Variants in RGS6 observed in about 807,000 individuals in gnomAD.
RGS6 encodes the protein regulator of G-protein signaling 6.
A neutral mutation model predicts 78.5 loss-of-function variants in RGS6; 30 were observed. That is an observed-to-expected ratio of 0.38 (90% CI 0.29 to 0.52). The LOEUF is 0.52. Among genes scored for constraint, RGS6 ranks in the 20% least tolerant of loss-of-function variants. The pLI, the probability that RGS6 is intolerant of heterozygous loss-of-function variation, is 0.85. For missense variants in RGS6, 495 were observed against 609.7 expected (o/e 0.81, Z 1.98); for synonymous variants, 206 against 206.0 (o/e 1.00, Z 0.00).
At chr14:72,066,265 A>G (rs2094140092) in intron 2 of RGS6, among the ~76,000 whole-genome samples, 1 of 152,094 alleles carries the variant, frequency 6.6e-6, no homozygotes, top group Admixed American at 6.6e-5. Flanking sequence ...TCCAGGTTTC[A>G]TGCTTTGGGA....
intron 2 of RGS6, among the ~76,000 whole-genome samples, chr14:71,978,577 A>G (rs1298400207): frequency 5.0e-5 from 5 of 100,114 alleles, no homozygotes; most frequent in African/African-American, 1.5e-4. Context: ...ACTGATTTGC[A>G]TATATTGAAC....
intron 3 of RGS6, among the ~76,000 whole-genome samples, chr14:72,413,120 C>A (rs1323756340): frequency 2.0e-5 from 3 of 152,222 alleles, no homozygotes; most frequent in Admixed American, 2.0e-4. Context: ...TCCTGGATAT[C>A]CTTGTTAACT....
At chr14:72,591,174 G>A in the RGS6 span, among the ~76,000 whole-genome samples, 1 of 151,872 alleles carries the variant, frequency 6.6e-6, no homozygotes, top group African/African-American at 2.4e-5. Context: ...TCCTGCAATG[G>A]GCATGCATTA....
At chr14:71,898,310 A>G in the RGS6 span, among the ~76,000 whole-genome samples, 1 of 152,018 alleles carries the variant, frequency 6.6e-6, no homozygotes, top group African/African-American at 2.4e-5. Flanking sequence ...CCCTCACCCC[A>G]ACCACCATCT....
intron 2 of RGS6, among the ~76,000 whole-genome samples, chr14:72,078,785 C>T (rs1422212145): frequency 1.3e-5 from 2 of 152,142 alleles, no homozygotes; most frequent in African/African-American, 4.8e-5. Flanking sequence ...TTAGGATCCT[C>T]TTCATTATTC....
chr14:71,915,517 A>G, the RGS6 span, among the ~76,000 whole-genome samples: 2 of 152,132 alleles, frequency 1.3e-5, no homozygotes, highest in African/African-American at 2.4e-5. Flanking sequence ...ACTACCCAGC[A>G]TCCCATTCAT....
chr14:72,267,160 A>T (rs1231977211), intron 2 of RGS6, among the ~76,000 whole-genome samples: 1 of 152,192 alleles, frequency 6.6e-6, no homozygotes, highest in Admixed American at 6.5e-5. Context: ...CATGTTGGCC[A>T]GGCTGGTCTC....
intron 2 of RGS6, among the ~76,000 whole-genome samples, chr14:72,185,096 T>C (rs993117259): frequency 3.3e-5 from 5 of 152,196 alleles, no homozygotes; most frequent in Non-Finnish European, 2.9e-5. Context: ...TGGAGTCTGA[T>C]GTTCAAGGGC....
chr14:72,396,781 A>G lies in RGS6; in HGVS notation c.184+44587A>G, dbSNP rs183414227. The stretch of plus-strand genomic sequence containing the variant: ...TACATATGTCTAGCCAGTTTTCCCA[A>G]CACCATTTATTAAATAGGGAATCCT... On this transcript the variant is annotated intron_variant, in intron 3 of 17. Transcript: ENST00000553525. Among the ~76,000 whole-genome samples the G allele has an allele frequency of 7.7e-3, 1,165 of 151,488 alleles. 6 individuals carry two copies. Among genetic ancestry groups the G allele is most frequent in the African/African-American group, 0.023 (933 of 40,856 alleles).
chr14:72,416,737 G>A lies in RGS6; in HGVS notation c.185-37791G>A, dbSNP rs150302399. On this transcript the variant is annotated intron_variant, in intron 3 of 17. Transcript: ENST00000553525. The stretch of plus-strand genomic sequence containing the variant: ...CAAACTCAGGAAGGAACAAGAACCT[G>A]TCTCTCTGAGCTCTCTAAAGAGTGT... Among the ~76,000 whole-genome samples, 8 of 152,310 alleles carry A rather than the reference G, an allele frequency of 5.3e-5. No individual in the cohort carries two copies. In the East Asian group the frequency reaches 1.5e-3, roughly 29 times the overall value.
chr14:72,608,020 G>A, the RGS6 span, among the ~76,000 whole-genome samples: 2 of 152,230 alleles, frequency 1.3e-5, no homozygotes, highest in Non-Finnish European at 2.9e-5. Context: ...ATGCCCACCT[G>A]TGTCTTACCA....
In RGS6 at chr14:72,375,731, C is replaced by G. The variant is rs531116784; in HGVS notation, c.184+23537C>G. Among the ~76,000 whole-genome samples the G allele has an allele frequency of 1.4e-3, 209 of 152,288 alleles. 1 individual carries two copies. The highest frequency in any genetic ancestry group is 2.6e-3 in the Non-Finnish European group (178 of 68,024). ...CCAGCACAAACTGTCTAAGCCTAGGCCACTGAGACATTCATAAATATCGCT... is the reference window on the plus strand; with the variant it reads ...CCAGCACAAACTGTCTAAGCCTAGGGCACTGAGACATTCATAAATATCGCT... On this transcript the variant is annotated intron_variant, in intron 3 of 17. Transcript: ENST00000553525.
intron 2 of RGS6, among the ~76,000 whole-genome samples, chr14:71,973,936 A>G (rs2093964412): frequency 6.6e-6 from 1 of 152,132 alleles, no homozygotes; most frequent in Admixed American, 6.5e-5. Flanking sequence ...AAGGGATGGT[A>G]TTTTTAGTGT....
At chr14:72,355,437 C>T (rs768300886) in intron 3 of RGS6, among the ~76,000 whole-genome samples, 8 of 152,198 alleles carry the variant, frequency 5.3e-5, no homozygotes, top group Admixed American at 2.0e-4. Context: ...TTAGGTGATC[C>T]GCCCACCTTG....
chr14:72,381,090 C>T (rs1043209282), intron 3 of RGS6, among the ~76,000 whole-genome samples: 1 of 151,934 alleles, frequency 6.6e-6, no homozygotes, highest in African/African-American at 2.4e-5. Context: ...CACATGTTGT[C>T]ACTCATATGT....
At chr14:72,440,235 T>C (rs1566852275) in intron 3 of RGS6, among the ~76,000 whole-genome samples, 1 of 152,230 alleles carries the variant, frequency 6.6e-6, no homozygotes, top group East Asian at 1.9e-4. Context: ...GAAAATGTAT[T>C]TGACATCTTG....
chr14:72,343,800 A>G (rs2077483981), intron 2 of RGS6, among the ~76,000 whole-genome samples: 1 of 152,204 alleles, frequency 6.6e-6, no homozygotes, highest in African/African-American at 2.4e-5. Context: ...CCGTTCCCAA[A>G]TATCAGCATG....
intron 2 of RGS6, among the ~76,000 whole-genome samples, chr14:72,226,671 G>T (rs1433202970): frequency 1.3e-5 from 2 of 152,150 alleles, no homozygotes; most frequent in African/African-American, 4.8e-5. Flanking sequence ...ATTTTAACAA[G>T]ATCCCCGGGT....
In RGS6 at chr14:72,100,837, G is replaced by A. The variant is rs72719828; in HGVS notation, c.84+135962G>A. ...CAACCACTTAAATCATAGTCTCTGG[G>A]AGATGGGAGCTAGGCATTGACATTT... On this transcript the variant is annotated intron_variant, in intron 2 of 17. Coordinates refer to ENST00000553525, the MANE Select transcript of RGS6 (RefSeq NM_001204424.2). Among the ~76,000 whole-genome samples the A allele has an allele frequency of 7.0e-3, 1,059 of 152,272 alleles. 10 individuals carry two copies. Among genetic ancestry groups the A allele is most frequent in the Non-Finnish European group, 0.01 (706 of 68,030 alleles).
Sources: allele counts gnomAD v4.1 joint callset (sites outside exome capture counted in the v4.1 genomes callset), GRCh38; gene constraint gnomAD v4.1.1; transcripts MANE v1.5; gene names NCBI Gene and HGNC (gene_info 2026-07-23, HGNC 2026-07-21).